Variants in RASSF3 observed in about 807,000 individuals in gnomAD.
RASSF3 encodes ras association domain-containing protein 3.
In RASSF3, 19 loss-of-function variants were observed where a neutral mutation model predicts 19.9. That is an observed-to-expected ratio of 0.96 (90% CI 0.67 to 1.40). The LOEUF (loss-of-function observed/expected upper bound fraction) is 1.40, where lower values mean the gene tolerates loss of function less well. Among genes scored for constraint, RASSF3 ranks in the 40% most tolerant of loss-of-function variants. The probability of loss-of-function intolerance (pLI) is 0.00; values close to 1 mark genes in which losing one functional copy is unlikely to be tolerated. For synonymous variants in RASSF3, 110 were observed against 104.2 expected (o/e 1.06, Z -0.34); for missense variants, 306 against 289.8 (o/e 1.06, Z -0.41).
At chr12:64,551,924 A>G (rs924051685) in intron 2 of RASSF3, among the ~76,000 whole-genome samples, 1 of 152,202 alleles carries the variant, frequency 6.6e-6, no homozygotes, top group African/African-American at 2.4e-5. Context: ...TATTATCTTC[A>G]AATAGATTAC....
In RASSF3 at chr12:64,697,226, T is replaced by C. The variant is rs1199596435; in HGVS notation, c.*2314T>C. 3.9e-5 allele frequency: 6 copies of C among 152,268 alleles called. No homozygotes were observed. In the East Asian group the frequency reaches 1.2e-3, roughly 29 times the overall value. 9.4% of individuals were successfully genotyped at this position (152,268 alleles called of 1,614,324 possible). On this transcript the variant is annotated 3_prime_UTR_variant, in exon 5 of 5. Transcript: ENST00000542104. ...TATGGTTCTTGAAGACTGATGTCCTTTCCCAAACACTGGTTACTGCAGCAG... is the reference window on the plus strand; with the variant it reads ...TATGGTTCTTGAAGACTGATGTCCTCTCCCAAACACTGGTTACTGCAGCAG...
chr12:64,672,141 A>G (rs570290008), intron 1 of RASSF3, among the ~76,000 whole-genome samples: 24 of 152,316 alleles, frequency 1.6e-4, no homozygotes, highest in African/African-American at 5.8e-4. Context: ...TAATAATCAT[A>G]TCAGAGTAAT....
At chr12:64,676,244 C>T (rs901940902) in intron 1 of RASSF3, among the ~76,000 whole-genome samples, 4 of 149,620 alleles carry the variant, frequency 2.7e-5, no homozygotes, top group Non-Finnish European at 4.4e-5. Context: ...GTAACCTCCA[C>T]CTCCAGGGTT....
At chr12:64,651,726 A>C (rs754532885) in intron 1 of RASSF3, among the ~76,000 whole-genome samples, 1 of 152,038 alleles carries the variant, frequency 6.6e-6, no homozygotes, top group Non-Finnish European at 1.5e-5. Flanking sequence ...GCAGGGGTGC[A>C]GTCACAGCTC....
intron 1 of RASSF3, among the ~76,000 whole-genome samples, chr12:64,677,353 G>A (rs56206108): frequency 0.18 from 27,177 of 152,162 alleles, 3,095 homozygotes; most frequent in South Asian, 0.31. Context: ...TTGAGAAAAC[G>A]TTCTGGGCTC....
chr12:64,647,784 A>G (rs1260420210), intron 1 of RASSF3, among the ~76,000 whole-genome samples: 1 of 151,782 alleles, frequency 6.6e-6, no homozygotes, highest in Non-Finnish European at 1.5e-5. Context: ...TCCTGGGCTC[A>G]AGCAGTCCTC....
At chr12:64,544,745 T>G (rs11175440), downstream of RASSF3, among the ~76,000 whole-genome samples, 13,611 of 152,246 alleles carry the variant, frequency 0.089, 847 homozygotes, top group East Asian at 0.32. Context: ...CAGCAATATT[T>G]ATCCTTCCTG....
At chr12:64,647,752 G>T (rs1001726673) in intron 1 of RASSF3, among the ~76,000 whole-genome samples, 10 of 151,504 alleles carry the variant, frequency 6.6e-5, no homozygotes, top group Admixed American at 3.9e-4. Flanking sequence ...GTTTTGCCCT[G>T]TTGCCCAGGA....
chr12:64,525,137 G>A (rs1346842251), intron 1 of RASSF3, among the ~76,000 whole-genome samples: 7 of 152,060 alleles, frequency 4.6e-5, no homozygotes, highest in East Asian at 1.9e-4. Flanking sequence ...TTAGCCAGGC[G>A]TGGTGGCGTG....
At chr12:64,674,343 G>C (rs1478231248) in intron 1 of RASSF3, among the ~76,000 whole-genome samples, 2 of 152,208 alleles carry the variant, frequency 1.3e-5, no homozygotes, top group East Asian at 3.9e-4. Context: ...GACCAGATCA[G>C]AATCAGCTGA....
chr12:64,604,434 T>C (rs1373834759), intron 2 of RASSF3, among the ~76,000 whole-genome samples: 1 of 150,356 alleles, frequency 6.7e-6, no homozygotes, highest in Non-Finnish European at 1.5e-5. Context: ...CCCAGGCTGA[T>C]TTCTCACCCC....
chr12:64,586,104 C>T (rs1334324513), intron 2 of RASSF3, among the ~76,000 whole-genome samples: 1 of 152,040 alleles, frequency 6.6e-6, no homozygotes, highest in Non-Finnish European at 1.5e-5. Context: ...GTGGGTGGAT[C>T]ACCTGAAGTC....
In RASSF3 at chr12:64,537,544, C is replaced by T. The variant is rs184812719; in HGVS notation, c.68-4037C>T. Among the ~76,000 whole-genome samples, 573 of 152,268 alleles carry T rather than the reference C, an allele frequency of 3.8e-3. 2 individuals carry two copies. Among genetic ancestry groups the T allele is most frequent in the Non-Finnish European group, 5.6e-3 (378 of 68,022 alleles). ...ACAACTTAATAAGCTAAACAACTCCCAATCTCCCAACCCCATCTCAGCTCT... is the reference window on the plus strand; with the variant it reads ...ACAACTTAATAAGCTAAACAACTCCTAATCTCCCAACCCCATCTCAGCTCT... On this transcript the variant is annotated intron_variant, in intron 1 of 1. Transcript: ENST00000636333.
At chr12:64,523,701 A>AT (rs199790723) in intron 1 of RASSF3, among the ~76,000 whole-genome samples, 286 of 146,458 alleles carry the variant, frequency 2.0e-3, no homozygotes, top group Non-Finnish European at 2.2e-3. Flanking sequence ...TTTCAATTTA[A>AT]TTTTTTTTTT....
intron 1 of RASSF3, among the ~76,000 whole-genome samples, chr12:64,538,766 G>A (rs889800201): frequency 7.2e-5 from 11 of 151,984 alleles, no homozygotes; most frequent in African/African-American, 1.9e-4. Context: ...AATTGGGGCC[G>A]GGTGCCATGG....
chr12:64,628,975 C>T (rs1592430540), intron 1 of RASSF3, among the ~76,000 whole-genome samples: 2 of 152,014 alleles, frequency 1.3e-5, no homozygotes, highest in East Asian at 3.9e-4. Flanking sequence ...TGCTTTGTCA[C>T]CCAGGCTGGA....
intron 2 of RASSF3, among the ~76,000 whole-genome samples, chr12:64,548,083 A>G (rs562976987): frequency 2.6e-5 from 4 of 152,174 alleles, no homozygotes; most frequent in African/African-American, 4.8e-5. Flanking sequence ...CTGCCGCTCT[A>G]TATTCTCTGA....
chr12:64,677,866 A>T (rs184299930), intron 1 of RASSF3, among the ~76,000 whole-genome samples: 1 of 152,212 alleles, frequency 6.6e-6, no homozygotes, highest in Non-Finnish European at 1.5e-5. Context: ...GTTTAGGAGC[A>T]TCTAACTTCA....
At chr12:64,564,209 A>G (rs1252049205) in intron 2 of RASSF3, among the ~76,000 whole-genome samples, 2 of 152,150 alleles carry the variant, frequency 1.3e-5, no homozygotes, top group South Asian at 2.1e-4. Context: ...GACAGACAAT[A>G]TTTGCTGTTT....
Sources: allele counts gnomAD v4.1 joint callset (sites outside exome capture counted in the v4.1 genomes callset), GRCh38; gene constraint gnomAD v4.1.1; transcripts MANE v1.5; gene names NCBI Gene and HGNC (gene_info 2026-07-23, HGNC 2026-07-21).